MIER3: variants seen among roughly 807,000 people sequenced by gnomAD.
MIER3 encodes mesoderm induction early response protein 3.
Under a neutral mutation model 63.2 loss-of-function variants are expected in MIER3, and 9 were observed. The ratio of observed to expected loss-of-function variants is 0.14; its 90% CI spans 0.09 to 0.25. The LOEUF (loss-of-function observed/expected upper bound fraction) is 0.25. Among genes scored for constraint, MIER3 ranks in the 10% least tolerant of loss-of-function variants. The probability of loss-of-function intolerance (pLI) is 1.00; values close to 1 mark genes in which losing one functional copy is unlikely to be tolerated. For missense variants in MIER3, 512 were observed against 666.2 expected, an observed-to-expected ratio of 0.77 and a Z score of 2.55; for synonymous variants, 205 against 224.9, an observed-to-expected ratio of 0.91 and a Z score of 0.79.
At chr5:56,933,628 T>C (rs954126585) in intron 7 of MIER3, among the ~76,000 whole-genome samples, 8 of 152,188 alleles carry the variant, frequency 5.3e-5, no homozygotes, top group Non-Finnish European at 7.4e-5. Flanking sequence ...TTTTTGGTGG[T>C]TGGATATACT....
intron 12 of MIER3, 23 bp from the exon 13 acceptor site, chr5:56,923,608 TTAAG>T (rs774809518): frequency 6.8e-6 from 11 of 1,611,372 alleles, no homozygotes; most frequent in East Asian, 2.2e-5. Flanking sequence ...GGAAAATTGT[TTAAG>T]TAAGTGGTCC....
chr5:56,925,039 TAAGTGAAGTGG>T (rs1303450506), intron 10 of MIER3, among the ~76,000 whole-genome samples: 1 of 152,224 alleles, frequency 6.6e-6, no homozygotes, highest in Non-Finnish European at 1.5e-5. Context: ...CAATGTCTGG[TAAGTGAAGTGG>T]AAGGACATAA....
chr5:56,936,293 T>C (rs1750443515), intron 5 of MIER3, among the ~76,000 whole-genome samples: 1 of 152,154 alleles, frequency 6.6e-6, no homozygotes, highest in African/African-American at 2.4e-5. Flanking sequence ...AGGAAACCAC[T>C]GTGGTCACCT....
chr5:56,948,424 G>A (rs1208808862), intron 2 of MIER3, among the ~76,000 whole-genome samples: 1 of 152,156 alleles, frequency 6.6e-6, no homozygotes, highest in Non-Finnish European at 1.5e-5. Context: ...AGCACTTTGG[G>A]AGGCCGAAGT....
chr5:56,924,206 T>C (rs1373055545), intron 10 of MIER3, among the ~76,000 whole-genome samples, 164 bp from the exon 11 acceptor site: 1 of 152,206 alleles, frequency 6.6e-6, no homozygotes. Flanking sequence ...CTTTGATTAG[T>C]GGAATGCCTT....
At chr5:56,939,045 C>T (rs1395732467) in intron 3 of MIER3, 28 bp from the exon 4 acceptor site, 1 of 1,611,612 alleles carries the variant, frequency 6.2e-7, no homozygotes, top group African/African-American at 1.3e-5. Context: ...TAAACACGGA[C>T]TCAGCAGATG....
Position 56,938,929 on chromosome 5 carries a change from G to A in MIER3, c.269C>T (p.Ser90Phe). The change falls in exon 4 of 13, where the codon TCC becomes TTC. Residue 90 changes from serine (S) to phenylalanine (F), a missense_variant. This residue lies in a region of MIER3 where 98 missense variants were observed against 107.4 expected (regional missense o/e 0.91). Transcript: ENST00000381199. ...PAVANSSANS[S>F]PSELADELPD... Reference sequence around the variant, plus strand: ...TAGTTCATCTGCCAGTTCACTTGGGGAACTATTTGCACTGGAATTTGCAAC... The same window carrying A: ...TAGTTCATCTGCCAGTTCACTTGGGAAACTATTTGCACTGGAATTTGCAAC... 3 of 1,614,084 alleles carry A rather than the reference G, an allele frequency of 1.9e-6. No individual in the cohort carries two copies. The highest frequency in any genetic ancestry group is 1.7e-6 in the Non-Finnish European group (2 of 1,179,992).
chr5:56,932,702 A>G (rs1360821178), intron 8 of MIER3, among the ~76,000 whole-genome samples: 3 of 152,228 alleles, frequency 2.0e-5, no homozygotes, highest in African/African-American at 4.8e-5. Flanking sequence ...ACAGGTACAC[A>G]AGCGCTTAAC....
chr5:56,935,014 G>C (rs1750391822), intron 7 of MIER3, among the ~76,000 whole-genome samples: 1 of 152,180 alleles, frequency 6.6e-6, no homozygotes, highest in Admixed American at 6.5e-5. Context: ...TTTGGGGCTG[G>C]GGAAGGAGAA....
At chr5:56,932,917 G>A (rs2112106314) in intron 8 of MIER3, among the ~76,000 whole-genome samples, 2 of 152,072 alleles carry the variant, frequency 1.3e-5, no homozygotes, top group South Asian at 4.2e-4. Context: ...AAAAGTATAG[G>A]ATAGACTATA....
At chr5:56,944,565 A>G (rs924213000) in intron 3 of MIER3, among the ~76,000 whole-genome samples, 1 of 152,236 alleles carries the variant, frequency 6.6e-6, no homozygotes, top group African/African-American at 2.4e-5. Context: ...TTCATCTGAC[A>G]CAACTGATGG....
In MIER3 at chr5:56,950,713, G is replaced by C; in HGVS notation, c.10-61C>G. On this transcript the variant is annotated intron_variant, in intron 1 of 12. Coordinates refer to ENST00000381199, the MANE Select transcript of MIER3 (RefSeq NM_001297599.2). ...CACAGCCAGGGAAAGAGGCAGCGCC[G>C]GCAACAGGGCGCAGAGGAGGCGGAG... The C allele has an allele frequency of 5.0e-6, 8 of 1,590,094 alleles. No homozygotes were observed. The South Asian group carries it at 7.8e-5, about 16-fold the overall frequency.
intron 8 of MIER3, among the ~76,000 whole-genome samples, chr5:56,932,666 T>C (rs901139338): frequency 1.3e-5 from 2 of 152,184 alleles, no homozygotes; most frequent in Non-Finnish European, 2.9e-5. Context: ...CCATCCCACA[T>C]GTGATCAGGA....
intron 10 of MIER3, chr5:56,925,541 A>G (rs1345298257): frequency 1.4e-5 from 3 of 221,720 alleles, no homozygotes; most frequent in African/African-American, 2.3e-5. Context: ...TTGGGTATAA[A>G]TATAACAAAA....
In MIER3 at chr5:56,923,591, A is replaced by T; in HGVS notation, c.1196-6T>A. 3 of 1,611,752 alleles carry T rather than the reference A, an allele frequency of 1.9e-6. No homozygotes were observed. Among genetic ancestry groups the T allele is most frequent in the Non-Finnish European group, 2.5e-6 (3 of 1,178,234 alleles). ...TGCTACACTGTTGGTCAAAGCTAAAAAGGAATGGAAAATTGTTTAAGTAAG... is the reference window on the plus strand; with the variant it reads ...TGCTACACTGTTGGTCAAAGCTAAATAGGAATGGAAAATTGTTTAAGTAAG... On this transcript the variant is annotated splice_region_variant and splice_polypyrimidine_tract_variant and intron_variant, in intron 12 of 12. Transcript: ENST00000381199.
chr5:56,926,434 CTGAA>C (rs1561231697), intron 10 of MIER3, among the ~76,000 whole-genome samples: 1 of 151,586 alleles, frequency 6.6e-6, no homozygotes, highest in Admixed American at 6.6e-5. Flanking sequence ...GGCAAAAAAT[CTGAA>C]TGAACACCTG....
intron 4 of MIER3, chr5:56,938,418 C>T: frequency 2.1e-6 from 1 of 468,978 alleles, no homozygotes; most frequent in Middle Eastern, 5.2e-4. Flanking sequence ...GGGACTAGGC[C>T]TCCCCACAAC....
chr5:56,930,857 C>A, intron 8 of MIER3, 112 bp from the exon 9 acceptor site: 1 of 840,794 alleles, frequency 1.2e-6, no homozygotes, highest in East Asian at 2.5e-5. Context: ...CTGAAATCCT[C>A]TCTAATTTCA....
intron 7 of MIER3, 144 bp from the exon 8 acceptor site, chr5:56,933,542 A>G (rs761881499): frequency 1.4e-6 from 1 of 727,604 alleles, no homozygotes; most frequent in Non-Finnish European, 2.1e-6. Flanking sequence ...TTATCCGTTA[A>G]GTAGGGCCTT....
Sources: allele counts gnomAD v4.1 joint callset (sites outside exome capture counted in the v4.1 genomes callset), GRCh38; gene constraint gnomAD v4.1.1; regional missense constraint gnomAD v4.1.1; transcripts MANE v1.5; gene names NCBI Gene and HGNC (gene_info 2026-07-23, HGNC 2026-07-21).